Variants in KCNQ1 observed in about 807,000 individuals in gnomAD.
KCNQ1 encodes potassium voltage-gated channel subfamily KQT member 1.
Under a neutral mutation model 72.4 loss-of-function variants are expected in KCNQ1, and 49 were observed. That is an observed-to-expected ratio of 0.68 (90% CI 0.54 to 0.86). The LOEUF (loss-of-function observed/expected upper bound fraction) is 0.86, where lower values mean the gene tolerates loss of function less well. Ranked by LOEUF, KCNQ1 falls within the 40% of genes least tolerant of loss-of-function variation. The pLI, the probability that KCNQ1 is intolerant of heterozygous loss-of-function variation, is 0.00. For missense variants in KCNQ1, 790 were observed against 945.1 expected (o/e 0.84, Z 2.15); for synonymous variants, 450 against 412.6 (o/e 1.09, Z -1.10).
At chr11:2,731,334 C>T (rs1007048882) in intron 11 of KCNQ1, among the ~76,000 whole-genome samples, 5 of 152,244 alleles carry the variant, frequency 3.3e-5, no homozygotes, top group Non-Finnish European at 5.9e-5. Context: ...CAAATGCCCT[C>T]GTCCCACAGT....
intron 15 of KCNQ1, among the ~76,000 whole-genome samples, chr11:2,811,581 C>T (rs564633306): frequency 6.6e-6 from 1 of 152,338 alleles, no homozygotes; most frequent in East Asian, 1.9e-4. Flanking sequence ...CCTTGCCGAG[C>T]GTCAGGGTGG....
chr11:2,627,068 T>TC lies in KCNQ1; in HGVS notation c.1394-34890dup. 2.5e-6 allele frequency: 1 copy of TC among 398,578 alleles called. No homozygotes were observed. 24.7% of individuals were successfully genotyped at this position (398,578 alleles called of 1,614,324 possible). On this transcript the variant is annotated intron_variant, in intron 10 of 15. Transcript: ENST00000155840. This position sits in a 1 kb window ranked among gnomAD's most constrained non-coding sequence, Gnocchi z 4.9. The stretch of plus-strand genomic sequence containing the variant: ...CAATCCATGAACATAGGAGGTGTTT[T>TC]CCCTTTATGTCTACTTTAATTTCTT...
rs1483913420 is a variant in KCNQ1, at chr11:2,724,905, G to A, written c.1515-43939G>A. On this transcript the variant is annotated intron_variant, in intron 11 of 15. Coordinates refer to ENST00000155840, the MANE Select transcript of KCNQ1 (RefSeq NM_000218.3). The surrounding 1 kb of genome is among the most constrained non-coding windows in gnomAD (Gnocchi z 6.8). ...GGGAACACGGTGGTCTCTGTCACAG[G>A]GTAGAGATGACTGATCCAGTAACCT... 1.3e-5 allele frequency among the ~76,000 whole-genome samples: 2 copies of A among 152,176 alleles called. No homozygotes were observed. Among genetic ancestry groups the A allele is most frequent in the Non-Finnish European group, 2.9e-5 (2 of 68,032 alleles).
At chr11:2,630,097 T>C (rs1452233532) in intron 10 of KCNQ1, 2 of 398,296 alleles carry the variant, frequency 5.0e-6, no homozygotes, top group African/African-American at 2.1e-5. Context: ...ATTCCTTCTA[T>C]ACCTAATTTG....
intron 6 of KCNQ1, among the ~76,000 whole-genome samples, chr11:2,581,115 C>G (rs1323126166): frequency 6.6e-6 from 1 of 152,232 alleles, no homozygotes; most frequent in Non-Finnish European, 1.5e-5. Flanking sequence ...CTGGAGCCCT[C>G]TTGCTCCAGG....
rs1849241028 is a variant in KCNQ1, at chr11:2,624,989, G to A, written c.1393+36135G>A. ...ACATTTTGCTTATCCATTCTTCCAT[G>A]GACATTTGGGTTGCATTGATGTTTT... On this transcript the variant is annotated intron_variant, in intron 10 of 15. Coordinates refer to ENST00000155840, the MANE Select transcript of KCNQ1 (RefSeq NM_000218.3). The surrounding 1 kb of genome is among the most constrained non-coding windows in gnomAD (Gnocchi z 4.9). 1 of 398,342 alleles carries A rather than the reference G, an allele frequency of 2.5e-6. No homozygotes were observed. The highest frequency in any genetic ancestry group is 2.1e-5 in the African/African-American group (1 of 48,560). The allele number at this position is 398,342 out of a possible 1,614,324, so 24.7% of individuals were successfully genotyped here.
chr11:2,824,182 A>G lies in KCNQ1; in HGVS notation c.1795-23585A>G, dbSNP rs1847793329. ...ATGCACATGGATAACTAACTCTTCC[A>G]GCAAGAGCCACCCCCTGGCTGAAGT... On this transcript the variant is annotated intron_variant, in intron 15 of 15. Transcript: ENST00000155840. The surrounding 1 kb of genome is among the most constrained non-coding windows in gnomAD (Gnocchi z 5.9). Among the ~76,000 whole-genome samples, 1 of 152,190 alleles carries G rather than the reference A, an allele frequency of 6.6e-6. No homozygotes were observed. Among genetic ancestry groups the G allele is most frequent in the South Asian group, 2.1e-4 (1 of 4,830 alleles).
At position 2,659,851 on chromosome 11, in the gene KCNQ1, T is replaced by C. The variant is rs1251640979; in HGVS notation, c.1394-2110T>C. 1 of 398,378 alleles carries C rather than the reference T, an allele frequency of 2.5e-6. No homozygotes were observed. The highest frequency in any genetic ancestry group is 2.1e-5 in the African/African-American group (1 of 48,638). The allele number at this position is 398,378 out of a possible 1,614,324, so 24.7% of individuals were successfully genotyped here. A position where few individuals can be genotyped will look rare whatever the true frequency, so the allele number is the denominator to read the frequency against. On this transcript the variant is annotated intron_variant, in intron 10 of 15. Coordinates refer to ENST00000155840, the MANE Select transcript of KCNQ1 (RefSeq NM_000218.3). The surrounding 1 kb of genome is among the most constrained non-coding windows in gnomAD (Gnocchi z 4.3). ...CATATTTATGTTAATTATGTATCTT[T>C]TCATGTGCTTATTTATAATCCATTT...
At chr11:2,666,676 C>T in intron 11 of KCNQ1, 1 of 398,700 alleles carries the variant, frequency 2.5e-6, no homozygotes, top group Non-Finnish European at 4.4e-6. Context: ...ATGGGACCAG[C>T]TTGGCCTGGG....
At position 2,542,370 on chromosome 11, in the gene KCNQ1, C is replaced by T. The variant is rs368952676; in HGVS notation, c.477+14352C>T. Among the ~76,000 whole-genome samples, 17 of 152,360 alleles carry T rather than the reference C, an allele frequency of 1.1e-4. 2 individuals are homozygous for T. Among genetic ancestry groups the T allele is most frequent in the South Asian group, 1.0e-3 (5 of 4,832 alleles). ...AGGGGCCCCGTGCCCACCAAAGGCG[C>T]GCTAATTGCGAAGGAGGGGCCTCAG... On this transcript the variant is annotated intron_variant, in intron 2 of 15. Coordinates refer to ENST00000155840, the MANE Select transcript of KCNQ1 (RefSeq NM_000218.3).
rs960385005 is a variant in KCNQ1 at position 2,579,859 on chromosome 11, G to T, written c.922-3576G>T. 6.6e-6 allele frequency among the ~76,000 whole-genome samples: 1 copy of T among 151,992 alleles called. No homozygotes were observed. Among genetic ancestry groups the T allele is most frequent in the Non-Finnish European group, 1.5e-5 (1 of 67,982 alleles). ...CTCAGCAGCTCTCGTCTGTTTGGGG[G>T]CAGGTTTGGAAGGTGGTCTCGGGTG... On this transcript the variant is annotated intron_variant, in intron 6 of 15. Coordinates refer to ENST00000155840, the MANE Select transcript of KCNQ1 (RefSeq NM_000218.3). The surrounding 1 kb of genome is among the most constrained non-coding windows in gnomAD (Gnocchi z 6.0).
chr11:2,504,453 A>C (rs1253276197), intron 1 of KCNQ1, among the ~76,000 whole-genome samples: 1 of 152,204 alleles, frequency 6.6e-6, no homozygotes, highest in Non-Finnish European at 1.5e-5. Context: ...TTAATTATAC[A>C]TTTAAAAATA....
rs1394757125 is a variant in KCNQ1, at chr11:2,673,960, C to A, written c.1514+11879C>A. The A allele has an allele frequency of 1.3e-5, 5 of 383,658 alleles. No individual in the cohort carries two copies. Among genetic ancestry groups the A allele is most frequent in the Non-Finnish European group, 2.2e-5 (5 of 223,690 alleles). 23.8% of individuals were successfully genotyped at this position (383,658 alleles called of 1,614,324 possible). ...CTTTCCCCATGAGTGACAGCAGCCA[C>A]AAGGGGATGCCCAGCATTGGGGGTG... On this transcript the variant is annotated intron_variant, in intron 11 of 15. Coordinates refer to ENST00000155840, the MANE Select transcript of KCNQ1 (RefSeq NM_000218.3). The surrounding 1 kb of genome is among the most constrained non-coding windows in gnomAD (Gnocchi z 4.5).
At chr11:2,731,305 G>T (rs1590057630) in intron 11 of KCNQ1, among the ~76,000 whole-genome samples, 1 of 152,250 alleles carries the variant, frequency 6.6e-6, no homozygotes, top group Non-Finnish European at 1.5e-5. Flanking sequence ...CCCCACTGTT[G>T]CATGGAGAGA....
intron 15 of KCNQ1, among the ~76,000 whole-genome samples, chr11:2,819,241 G>A (rs1847683260): frequency 6.6e-6 from 1 of 152,240 alleles, no homozygotes; most frequent in African/African-American, 2.4e-5. Context: ...CAATGACAGA[G>A]CATTGTGTGC....
chr11:2,768,710 A>AT lies in KCNQ1; in HGVS notation c.1515-133dup. 1.3e-6 allele frequency: 1 copy of AT among 756,210 alleles called. No individual in the cohort carries two copies. The highest frequency in any genetic ancestry group is 1.5e-5 in the South Asian group (1 of 68,724). 46.8% of individuals were successfully genotyped at this position (756,210 alleles called of 1,614,324 possible). ...ACTGGGACATGGCCTAAGTATCTCC[A>AT]TCCCATGGAGTTGAACACTCTCCTT... On this transcript the variant is annotated intron_variant, in intron 11 of 15. Coordinates refer to ENST00000155840, the MANE Select transcript of KCNQ1 (RefSeq NM_000218.3). This position sits in a 1 kb window ranked among gnomAD's most constrained non-coding sequence, Gnocchi z 6.7.
chr11:2,646,973 C>G, intron 10 of KCNQ1: 1 of 398,498 alleles, frequency 2.5e-6, no homozygotes. Flanking sequence ...TTTGGATACC[C>G]TTTTTCTTTT....
At position 2,662,050 on chromosome 11, in the gene KCNQ1, A is replaced by G. The variant is rs781540769; in HGVS notation, c.1483A>G (p.Thr495Ala). The stretch of plus-strand genomic sequence containing the variant: ...CGAGGACCTGGACCTGGAAGGGGAG[A>G]CTCTGCTGACACCCATCACCCACAT... The part of the protein sequence containing the change: ...FAEDLDLEGE[T>A]LLTPITHISQ... The change falls in exon 11 of 16, where the codon ACT becomes GCT. Residue 495 changes from threonine (T) to alanine (A), a missense_variant. By Grantham distance (58) the Thr-to-Ala change is moderately conservative. Around this residue, in one of 5 missense-constraint regions of KCNQ1, gnomAD observed 178 missense variants for 177.9 expected, o/e 1.00. Transcript: ENST00000155840. The G allele has an allele frequency of 1.9e-6, 3 of 1,614,106 alleles. No homozygotes were observed. The highest frequency in any genetic ancestry group is 2.2e-5 in the South Asian group (2 of 91,076).
At chr11:2,731,285 C>T (rs1214761766) in intron 11 of KCNQ1, among the ~76,000 whole-genome samples, 3 of 152,250 alleles carry the variant, frequency 2.0e-5, no homozygotes, top group South Asian at 2.1e-4. Flanking sequence ...GGGGCCTCAC[C>T]GCCCATGCAC....
Sources: gnomAD v4.1 joint callset for allele counts (sites outside exome capture counted in the v4.1 genomes callset) on GRCh38, gnomAD v4.1.1 for gene constraint, gnomAD v4.1.1 regional missense constraint, Gnocchi (gnomAD v3.1) non-coding constraint, MANE v1.5 for transcripts, NCBI Gene and HGNC (gene_info 2026-07-23, HGNC 2026-07-21) for gene names.